Variants in CHIC2 observed in about 807,000 individuals in gnomAD.
CHIC2 encodes the protein cysteine rich hydrophobic domain 2.
CHIC2 carries 14 observed loss-of-function variants against 25.9 expected under a neutral mutation model. The observed-to-expected ratio is 0.54, with a 90% confidence interval of 0.36 to 0.85. The LOEUF (loss-of-function observed/expected upper bound fraction) is 0.85, where lower values mean the gene tolerates loss of function less well. Among genes scored for constraint, CHIC2 ranks in the 40% least tolerant of loss-of-function variants. CHIC2 has a pLI of 0.01. For missense variants in CHIC2, 146 were observed against 202.0 expected, an observed-to-expected ratio of 0.72 and a Z score of 1.68; for synonymous variants, 70 against 72.0, an observed-to-expected ratio of 0.97 and a Z score of 0.14.
intron 3 of CHIC2, among the ~76,000 whole-genome samples, chr4:54,022,719 C>A (rs1225281938): frequency 6.6e-6 from 1 of 152,068 alleles, no homozygotes; most frequent in East Asian, 1.9e-4. Flanking sequence ...CCTCTACTCC[C>A]TCCCTAGCAA....
At chr4:54,028,577 T>C (rs748677409) in intron 3 of CHIC2, among the ~76,000 whole-genome samples, 1 of 152,252 alleles carries the variant, frequency 6.6e-6, no homozygotes, top group Non-Finnish European at 1.5e-5. Flanking sequence ...GTTACCATGA[T>C]ATTTTCCACA....
At chr4:54,030,919 G>A (rs1421667487) in intron 3 of CHIC2, among the ~76,000 whole-genome samples, 1 of 150,620 alleles carries the variant, frequency 6.6e-6, no homozygotes, top group Admixed American at 6.6e-5. Flanking sequence ...TGTCGTCTAG[G>A]CTGGAGTGCA....
the CHIC2 span, among the ~76,000 whole-genome samples, chr4:54,072,647 A>T: frequency 6.6e-6 from 1 of 152,242 alleles, no homozygotes; most frequent in East Asian, 1.9e-4. Context: ...TTATTCTTGT[A>T]ATCTAAGCCC....
intron 3 of CHIC2, among the ~76,000 whole-genome samples, chr4:54,030,356 A>G (rs926827743): frequency 1.5e-4 from 23 of 151,646 alleles, no homozygotes; most frequent in African/African-American, 5.6e-4. Context: ...CATTTCTACA[A>G]AAATGTTTTG....
upstream of CHIC2, among the ~76,000 whole-genome samples, chr4:54,068,594 T>A (rs1717561078): frequency 6.6e-6 from 1 of 152,178 alleles, no homozygotes; most frequent in Non-Finnish European, 1.5e-5. Context: ...GGCAGCCTAT[T>A]TGTGTGGAAA....
chr4:54,087,094 G>A, the CHIC2 span: 1 of 1,003,868 alleles, frequency 1.0e-6, no homozygotes, highest in South Asian at 1.3e-5. Flanking sequence ...TCAGGAAGAT[G>A]TGGGGTCGCT....
intron 3 of CHIC2, among the ~76,000 whole-genome samples, chr4:54,040,522 G>A (rs1191433814): frequency 6.6e-6 from 1 of 152,004 alleles, no homozygotes; most frequent in East Asian, 1.9e-4. Context: ...CAAACATGGT[G>A]AAACCCCGTC....
intron 3 of CHIC2, among the ~76,000 whole-genome samples, chr4:54,029,074 C>T (rs1435928533): frequency 1.3e-5 from 2 of 150,428 alleles, no homozygotes; most frequent in Non-Finnish European, 3.0e-5. Context: ...AGTGAGCCAA[C>T]ATCGCGCCAC....
At chr4:54,049,775 G>A (rs1184390726) in intron 1 of CHIC2, among the ~76,000 whole-genome samples, 1 of 151,766 alleles carries the variant, frequency 6.6e-6, no homozygotes, top group Non-Finnish European at 1.5e-5. Flanking sequence ...GAAGAATAAG[G>A]AAAAAGGGAG....
chr4:54,046,357 A>C (rs1258108302), intron 3 of CHIC2, among the ~76,000 whole-genome samples: 1 of 152,194 alleles, frequency 6.6e-6, no homozygotes. Context: ...ATCCTAAGCC[A>C]AAAGAACAAA....
the CHIC2 span, among the ~76,000 whole-genome samples, chr4:54,072,067 G>A: frequency 1.3e-5 from 2 of 151,932 alleles, no homozygotes; most frequent in African/African-American, 2.4e-5. Context: ...GGCCAAGGCG[G>A]GCGAATCACG....
chr4:54,014,641 CAA>C (rs1460750371), intron 3 of CHIC2, among the ~76,000 whole-genome samples: 1 of 152,024 alleles, frequency 6.6e-6, no homozygotes, highest in East Asian at 1.9e-4. Context: ...ATTATTCTAC[CAA>C]TAGATTTTTT....
chr4:54,080,140 G>A, the CHIC2 span, among the ~76,000 whole-genome samples: 2 of 146,892 alleles, frequency 1.4e-5, no homozygotes, highest in Non-Finnish European at 3.0e-5. Flanking sequence ...ATATATATGT[G>A]TATATATGTG....
intron 3 of CHIC2, 46 bp from the exon 4 acceptor site, chr4:54,014,165 A>C: frequency 6.3e-7 from 1 of 1,584,936 alleles, no homozygotes; most frequent in Non-Finnish European, 8.7e-7. Flanking sequence ...TGGTTTTAGA[A>C]AACTTTGTTT....
chr4:54,027,176 T>C (rs1235689084), intron 3 of CHIC2, among the ~76,000 whole-genome samples: 1 of 152,166 alleles, frequency 6.6e-6, no homozygotes, highest in Non-Finnish European at 1.5e-5. Context: ...CAGTATCTCA[T>C]ATTAAAAACT....
chr4:54,048,461 T>G (rs765388304), intron 3 of CHIC2, among the ~76,000 whole-genome samples: 2 of 152,246 alleles, frequency 1.3e-5, no homozygotes, highest in Non-Finnish European at 2.9e-5. Context: ...ATTTCTTGTA[T>G]GGGTACCATC....
At chr4:54,048,671 G>A (rs1716906888) in intron 3 of CHIC2, among the ~76,000 whole-genome samples, 1 of 151,990 alleles carries the variant, frequency 6.6e-6, no homozygotes, top group African/African-American at 2.4e-5. Flanking sequence ...GCTGAAGCCA[G>A]CATCCTTGAT....
the CHIC2 span, among the ~76,000 whole-genome samples, chr4:54,085,640 C>T: frequency 1.3e-5 from 2 of 152,262 alleles, no homozygotes; most frequent in Admixed American, 6.5e-5. Context: ...ATTATAAAAA[C>T]AAGAGGATGT....
chr4:54,067,309 TG>T (rs1717537696), upstream of CHIC2, among the ~76,000 whole-genome samples: 1 of 151,868 alleles, frequency 6.6e-6, no homozygotes, highest in African/African-American at 2.4e-5. Context: ...TGTGTGTGTG[TG>T]TGTGTGTGTG....
Sources: gnomAD v4.1 joint callset for allele counts (sites outside exome capture counted in the v4.1 genomes callset) on GRCh38, gnomAD v4.1.1 for gene constraint, MANE v1.5 for transcripts, NCBI Gene and HGNC (gene_info 2026-07-23, HGNC 2026-07-21) for gene names.